ERCC8: variants seen among roughly 807,000 people sequenced by gnomAD.
ERCC8 encodes the protein ERCC excision repair 8, CSA ubiquitin ligase complex subunit.
Under a neutral mutation model 54.9 loss-of-function variants are expected in ERCC8, and 52 were observed. The observed-to-expected ratio is 0.95, with a 90% CI of 0.76 to 1.19. ERCC8 has a LOEUF of 1.19. Among genes scored for constraint, ERCC8 ranks in the 50% most tolerant of loss-of-function variants. ERCC8 has a pLI of 0.00. For missense variants in ERCC8, 514 were observed against 466.1 expected (o/e 1.10, Z -0.95); for synonymous variants, 146 against 157.2 (o/e 0.93, Z 0.53).
chr5:60,933,588 T>A (rs1749977484), intron 1 of ERCC8, among the ~76,000 whole-genome samples: 1 of 152,166 alleles, frequency 6.6e-6, no homozygotes, highest in Non-Finnish European at 1.5e-5. Context: ...AATTTTTTAT[T>A]TATCAATAGG....
In ERCC8 at chr5:60,868,730, T is replaced by C. The variant is rs1747803869; in HGVS notation, c.*5885A>G. ...ACAACAGTGATTCTAGGTAGCACATTAAGAACTACACACATATTCTTTGCA... is the reference window on the plus strand; with the variant it reads ...ACAACAGTGATTCTAGGTAGCACATCAAGAACTACACACATATTCTTTGCA... On this transcript the variant is annotated 3_prime_UTR_variant, in exon 12 of 12. Transcript: ENST00000676185. Among the ~76,000 whole-genome samples, 1 of 152,174 alleles carries C rather than the reference T, an allele frequency of 6.6e-6. No homozygotes were observed. Among genetic ancestry groups the C allele is most frequent in the African/African-American group, 2.4e-5 (1 of 41,444 alleles).
At chr5:60,919,146 T>C (rs1749527015) in intron 3 of ERCC8, among the ~76,000 whole-genome samples, 1 of 152,054 alleles carries the variant, frequency 6.6e-6, no homozygotes, top group Non-Finnish European at 1.5e-5. Flanking sequence ...TTTGTGTATT[T>C]AAGATAGTGG....
Position 60,903,725 on chromosome 5 carries a change from A to G in ERCC8, c.482-9T>C. 1 of 1,611,914 alleles carries G rather than the reference A, an allele frequency of 6.2e-7. No homozygotes were observed. The highest frequency in any genetic ancestry group is 8.5e-7 in the Non-Finnish European group (1 of 1,178,896). On this transcript the variant is annotated splice_polypyrimidine_tract_variant and intron_variant, in intron 5 of 11. Coordinates refer to ENST00000676185, the MANE Select transcript of ERCC8 (RefSeq NM_000082.4). Reference sequence around the variant, plus strand: ...GGGTCCTCTAGTACCAACTGTAAAAACAGAACCGGTTTAAGATAATTTTAT... The same window carrying G: ...GGGTCCTCTAGTACCAACTGTAAAAGCAGAACCGGTTTAAGATAATTTTAT...
intron 8 of ERCC8, among the ~76,000 whole-genome samples, chr5:60,898,872 G>T (rs531485266): frequency 4.7e-5 from 7 of 149,656 alleles, no homozygotes; most frequent in Non-Finnish European, 8.9e-5. Context: ...GTTTGAGAAA[G>T]CATAATTCTA....
chr5:60,928,134 G>T (rs911978183), intron 2 of ERCC8, among the ~76,000 whole-genome samples: 2 of 152,194 alleles, frequency 1.3e-5, no homozygotes, highest in African/African-American at 4.8e-5. Context: ...GAAAGGTTTT[G>T]TACGGTCTTT....
intron 11 of ERCC8, among the ~76,000 whole-genome samples, chr5:60,885,242 G>A (rs1489929787): frequency 6.6e-6 from 1 of 151,884 alleles, no homozygotes; most frequent in Non-Finnish European, 1.5e-5. Flanking sequence ...TTGAACTCCT[G>A]GACTCAAGAG....
At chr5:60,922,512 G>T (rs1749628946) in intron 2 of ERCC8, among the ~76,000 whole-genome samples, 1 of 151,976 alleles carries the variant, frequency 6.6e-6, no homozygotes, top group Non-Finnish European at 1.5e-5. Context: ...AAAGGAATTA[G>T]ACAAACCAAC....
chr5:60,921,540 T>C (rs1479725573), intron 3 of ERCC8, among the ~76,000 whole-genome samples: 1 of 151,992 alleles, frequency 6.6e-6, no homozygotes, highest in Non-Finnish European at 1.5e-5. Context: ...TACAGATGTA[T>C]GTTTTTAAGT....
At chr5:60,876,124 G>C (rs1176067156) in intron 11 of ERCC8, among the ~76,000 whole-genome samples, 1 of 151,986 alleles carries the variant, frequency 6.6e-6, no homozygotes, top group African/African-American at 2.4e-5. Flanking sequence ...TGAGAACTTG[G>C]CGGTGTTTGG....
chr5:60,914,168 T>A lies in ERCC8; in HGVS notation c.399+4097A>T, dbSNP rs145633982. On this transcript the variant is annotated intron_variant, in intron 4 of 11. Coordinates refer to ENST00000676185, the MANE Select transcript of ERCC8 (RefSeq NM_000082.4). ...CCTTGTTAACCTTCAGTCTCATTGA[T>A]CTGTCTAATGTTGAGAGTGGGGTGT... Among the ~76,000 whole-genome samples the A allele has an allele frequency of 7.8e-4, 118 of 152,236 alleles. 1 individual carries two copies. Among genetic ancestry groups the A allele is most frequent in the Middle Eastern group, 3.4e-3 (1 of 294 alleles).
In ERCC8 at chr5:60,891,062, T is replaced by TA. The variant is rs1748533233; in HGVS notation, c.867dup (p.Asn290Ter). On this transcript the variant is annotated frameshift_variant, in exon 10 of 12. Transcript: ENST00000676185. LOFTEE classifies it high-confidence loss of function. Reference sequence around the variant, plus strand: ...GTGAATTTCAATCCTTTTTTACTGTTATTACAAACTTTTCCATAGTTCACC... The same window carrying TA: ...GTGAATTTCAATCCTTTTTTACTGTTAATTACAAACTTTTCCATAGTTCACC... The TA allele has an allele frequency of 6.2e-7, 1 of 1,611,650 alleles. No individual in the cohort carries two copies. Among genetic ancestry groups the TA allele is most frequent in the Admixed American group, 1.7e-5 (1 of 60,022 alleles).
intron 1 of ERCC8, among the ~76,000 whole-genome samples, chr5:60,934,487 T>G (rs113549747): frequency 6.6e-6 from 1 of 152,212 alleles, no homozygotes; most frequent in Admixed American, 6.5e-5. Flanking sequence ...CTCTGTTGGA[T>G]GTATAGGTTG....
chr5:60,939,466 G>A (rs1039939222), intron 1 of ERCC8, among the ~76,000 whole-genome samples: 3 of 146,412 alleles, frequency 2.0e-5, no homozygotes, highest in African/African-American at 7.3e-5. Flanking sequence ...GGATTCCCCG[G>A]TTGCAATACT....
intron 11 of ERCC8, among the ~76,000 whole-genome samples, chr5:60,885,598 A>T (rs1266395934): frequency 3.9e-5 from 6 of 152,168 alleles, no homozygotes; most frequent in Non-Finnish European, 8.8e-5. Flanking sequence ...CACCAAAAGC[A>T]GCTGTATGCT....
chr5:60,921,613 GT>G (rs1749602766), intron 3 of ERCC8, among the ~76,000 whole-genome samples: 1 of 151,880 alleles, frequency 6.6e-6, no homozygotes, highest in African/African-American at 2.4e-5. Flanking sequence ...GTATGTGTGT[GT>G]TTGGTGAGGG....
intron 2 of ERCC8, among the ~76,000 whole-genome samples, chr5:60,923,674 C>A (rs1454325494): frequency 6.6e-6 from 1 of 152,014 alleles, no homozygotes; most frequent in Non-Finnish European, 1.5e-5. Flanking sequence ...AGACAAAATT[C>A]TCCTTGAACA....
At chr5:60,914,734 T>G (rs1479248265) in intron 4 of ERCC8, among the ~76,000 whole-genome samples, 1 of 150,228 alleles carries the variant, frequency 6.7e-6, no homozygotes, top group Non-Finnish European at 1.5e-5. Context: ...TTATAGTGAG[T>G]TATAATTGCG....
intron 1 of ERCC8, among the ~76,000 whole-genome samples, chr5:60,934,029 T>G (rs1462317687): frequency 6.6e-6 from 1 of 152,230 alleles, no homozygotes; most frequent in Non-Finnish European, 1.5e-5. Context: ...ACTTGCGAAT[T>G]GTGCTGTTAT....
intron 1 of ERCC8, among the ~76,000 whole-genome samples, chr5:60,933,150 A>C (rs768765553): frequency 2.0e-5 from 3 of 151,682 alleles, no homozygotes; most frequent in Non-Finnish European, 4.4e-5. Flanking sequence ...TTAATGTTTT[A>C]AATGGCTTTT....
Sources: allele counts gnomAD v4.1 joint callset (sites outside exome capture counted in the v4.1 genomes callset), GRCh38; gene constraint gnomAD v4.1.1; transcripts MANE v1.5; gene names NCBI Gene and HGNC (gene_info 2026-07-23, HGNC 2026-07-21).